The following RANBP2 variants were observed in gnomAD, a reference collection of about 807,000 sequenced individuals.
RANBP2 encodes the protein E3 SUMO-protein ligase RanBP2.
A neutral mutation model predicts 303.6 loss-of-function variants in RANBP2; 57 were observed. The ratio of observed to expected loss-of-function variants is 0.19; its 90% CI spans 0.15 to 0.23. RANBP2 has a LOEUF of 0.23. RANBP2 is among the 10% of genes least tolerant of loss of function. RANBP2 has a pLI of 1.00. For synonymous variants in RANBP2, 1,167 were observed against 1,301.5 expected, an observed-to-expected ratio of 0.90 and a Z score of 2.23; for missense variants, 3,138 against 3,780.8, an observed-to-expected ratio of 0.83 and a Z score of 4.46.
chr2:109,377,189 G>A, the RANBP2 span, among the ~76,000 whole-genome samples: 1 of 152,210 alleles, frequency 6.6e-6, no homozygotes, highest in Non-Finnish European at 1.5e-5. Flanking sequence ...TCAGGGGCAT[G>A]TGATGGGTGC....
At chr2:109,335,976 C>T in the RANBP2 span, among the ~76,000 whole-genome samples, 17 of 152,270 alleles carry the variant, frequency 1.1e-4, no homozygotes, top group East Asian at 3.3e-3. Context: ...ACTGATAGCA[C>T]GATGTTGTCG....
At chr2:109,682,738 C>T in the RANBP2 span, among the ~76,000 whole-genome samples, 1 of 152,146 alleles carries the variant, frequency 6.6e-6, no homozygotes, top group African/African-American at 2.4e-5. Flanking sequence ...CCAGGATTTC[C>T]AGACCAACCC....
At chr2:108,900,834 A>G in the RANBP2 span, among the ~76,000 whole-genome samples, 2 of 152,336 alleles carry the variant, frequency 1.3e-5, no homozygotes, top group African/African-American at 4.8e-5. Flanking sequence ...TAAAGGGTCA[A>G]TCCAAGAAGA....
chr2:109,478,478 ATCT>A, the RANBP2 span, among the ~76,000 whole-genome samples: 1 of 152,216 alleles, frequency 6.6e-6, no homozygotes, highest in South Asian at 2.1e-4. Flanking sequence ...GTATTCAGTT[ATCT>A]AGATGTCTTC....
the RANBP2 span, among the ~76,000 whole-genome samples, chr2:108,921,032 T>C: frequency 6.6e-6 from 1 of 152,188 alleles, no homozygotes. Context: ...CACCCAGACC[T>C]GATGAATCGG....
the RANBP2 span, among the ~76,000 whole-genome samples, chr2:109,648,350 A>G: frequency 6.6e-6 from 1 of 152,246 alleles, no homozygotes; most frequent in Non-Finnish European, 1.5e-5. Flanking sequence ...GAAAGACACC[A>G]TCTGATTTAC....
At chr2:108,818,051 A>G in the RANBP2 span, among the ~76,000 whole-genome samples, 1 of 152,142 alleles carries the variant, frequency 6.6e-6, no homozygotes, top group Non-Finnish European at 1.5e-5. Flanking sequence ...CATACCTGTA[A>G]TCCTTGCACT....
At chr2:108,941,190 G>A in the RANBP2 span, among the ~76,000 whole-genome samples, 10 of 152,296 alleles carry the variant, frequency 6.6e-5, no homozygotes, top group African/African-American at 1.9e-4. Context: ...TTGCCGAATC[G>A]TATTCCACTG....
the RANBP2 span, among the ~76,000 whole-genome samples, chr2:109,699,658 G>A: frequency 1.3e-5 from 2 of 152,208 alleles, no homozygotes; most frequent in South Asian, 4.1e-4. Context: ...TGAGAAGGAG[G>A]AGGAGGAGGG....
At chr2:109,002,778 C>A in the RANBP2 span, among the ~76,000 whole-genome samples, 1 of 152,168 alleles carries the variant, frequency 6.6e-6, no homozygotes, top group Non-Finnish European at 1.5e-5. Flanking sequence ...TTCAGTTATA[C>A]CAAGACACTC....
At chr2:108,978,479 C>T in the RANBP2 span, among the ~76,000 whole-genome samples, 9 of 152,160 alleles carry the variant, frequency 5.9e-5, no homozygotes, top group Admixed American at 3.3e-4. Flanking sequence ...AGTTTTGCAA[C>T]GTATTTCTAG....
At chr2:109,213,989 T>G in the RANBP2 span, among the ~76,000 whole-genome samples, 1 of 152,048 alleles carries the variant, frequency 6.6e-6, no homozygotes, top group Non-Finnish European at 1.5e-5. Flanking sequence ...GTGGATTGGG[T>G]GGACGTGGCG....
the RANBP2 span, among the ~76,000 whole-genome samples, chr2:108,907,489 A>T: frequency 2.0e-5 from 3 of 151,834 alleles, no homozygotes; most frequent in African/African-American, 7.3e-5. Context: ...CTACTAAAAT[A>T]TAAAAAAAAT....
chr2:109,249,520 T>TCTTTCTTTC, the RANBP2 span, among the ~76,000 whole-genome samples: 3 of 5,210 alleles, frequency 5.8e-4, no homozygotes, highest in Non-Finnish European at 1.1e-3. Context: ...ATTCTTTCTT[T>TCTTTCTTTC]TTCTTTCTTT....
chr2:108,872,010 C>G, the RANBP2 span, among the ~76,000 whole-genome samples: 1 of 152,172 alleles, frequency 6.6e-6, no homozygotes, highest in Non-Finnish European at 1.5e-5. Flanking sequence ...CTCACACGTA[C>G]TTTGCCCTAC....
chr2:109,187,937 C>A, the RANBP2 span, among the ~76,000 whole-genome samples: 4 of 152,180 alleles, frequency 2.6e-5, no homozygotes, highest in Admixed American at 2.6e-4. Context: ...CTCAGGAACC[C>A]CTCAGAGCAG....
chr2:109,428,668 T>A, the RANBP2 span, among the ~76,000 whole-genome samples: 1 of 152,340 alleles, frequency 6.6e-6, no homozygotes, highest in South Asian at 2.1e-4. Context: ...GGCTCTCTGA[T>A]CCTAAAATCC....
At chr2:108,918,769 G>A in the RANBP2 span, among the ~76,000 whole-genome samples, 2 of 152,176 alleles carry the variant, frequency 1.3e-5, no homozygotes, top group Non-Finnish European at 2.9e-5. Flanking sequence ...TTTGAGGTCT[G>A]TTAATCCACA....
the RANBP2 span, chr2:109,614,003 G>C: frequency 8.3e-7 from 1 of 1,200,788 alleles, no homozygotes; most frequent in East Asian, 3.4e-5. Context: ...TCCGGGGGCG[G>C]GGTTGGGGCG....
Sources: gnomAD v4.1 joint callset for allele counts (sites outside exome capture counted in the v4.1 genomes callset) on GRCh38, gnomAD v4.1.1 for gene constraint, MANE v1.5 for transcripts, NCBI Gene and HGNC (gene_info 2026-07-23, HGNC 2026-07-21) for gene names.